TMX3: variants seen among roughly 807,000 people sequenced by gnomAD.
TMX3 encodes the protein thioredoxin related transmembrane protein 3.
TMX3 carries 40 observed loss-of-function variants against 64.4 expected under a neutral mutation model. The ratio of observed to expected loss-of-function variants is 0.62; its 90% CI spans 0.48 to 0.81. The LOEUF is 0.81. Among genes scored for constraint, TMX3 ranks in the 30% least tolerant of loss-of-function variants. The probability of loss-of-function intolerance (pLI) is 0.00; values close to 1 mark genes in which losing one functional copy is unlikely to be tolerated. For missense variants in TMX3, 497 were observed against 534.5 expected (o/e 0.93, Z 0.69); for synonymous variants, 189 against 175.7 (o/e 1.08, Z -0.60).
chr18:68,709,736 A>G (rs1394793058), intron 4 of TMX3, among the ~76,000 whole-genome samples: 1 of 152,142 alleles, frequency 6.6e-6, no homozygotes, highest in Non-Finnish European at 1.5e-5. Context: ...AGCAATATCA[A>G]TAGTTTAACA....
intron 2 of TMX3, among the ~76,000 whole-genome samples, chr18:68,712,253 G>A (rs1317284483): frequency 6.6e-6 from 1 of 152,186 alleles, no homozygotes; most frequent in Non-Finnish European, 1.5e-5. Context: ...CAGACAGAAT[G>A]AGAGGCCCAC....
chr18:68,681,196 A>G (rs1167920091), intron 13 of TMX3, 86 bp from the exon 14 acceptor site: 15 of 1,173,170 alleles, frequency 1.3e-5, no homozygotes, highest in Non-Finnish European at 1.6e-5. Flanking sequence ...AGTAGCCATA[A>G]TTATAGAAGC....
intron 9 of TMX3, chr18:68,688,525 T>C (rs1188425123): frequency 6.6e-6 from 1 of 152,134 alleles, no homozygotes; most frequent in Non-Finnish European, 1.5e-5. Context: ...AAAGCAAATG[T>C]CTATAAAAGC....
intron 7 of TMX3, chr18:68,697,510 T>C: frequency 2.5e-6 from 1 of 399,116 alleles, no homozygotes; most frequent in Non-Finnish European, 4.5e-6. Flanking sequence ...TTTATCTTTC[T>C]GCAAATAAAG....
At chr18:68,693,703 T>C (rs8090372) in intron 8 of TMX3, among the ~76,000 whole-genome samples, 7,154 of 152,056 alleles carry the variant, frequency 0.047, 451 homozygotes, top group African/African-American at 0.14. Flanking sequence ...GGTATGATGA[T>C]GACGGCGGGA....
chr18:68,675,554 A>T lies in TMX3; in HGVS notation c.*1379T>A, dbSNP rs527415624. The stretch of plus-strand genomic sequence containing the variant: ...AAACAACGTCAGTGTCCAGACCATG[A>T]ATTACATATTTTTTGACCATGCATT... On this transcript the variant is annotated 3_prime_UTR_variant, in exon 16 of 16. Transcript: ENST00000299608. 6.6e-6 allele frequency: 1 copy of T among 152,264 alleles called. No homozygotes were observed. The highest frequency in any genetic ancestry group is 1.9e-4 in the East Asian group (1 of 5,186). 9.4% of individuals were successfully genotyped at this position (152,264 alleles called of 1,614,324 possible).
At position 68,711,134 on chromosome 18, in the gene TMX3, T is replaced by A. The variant is rs553026628; in HGVS notation, c.141+230A>T. Among the ~76,000 whole-genome samples, 20 of 152,250 alleles carry A rather than the reference T, an allele frequency of 1.3e-4. 2 individuals are homozygous for A. The South Asian group carries it at 3.7e-3, about 28-fold the overall frequency. On this transcript the variant is annotated intron_variant, in intron 3 of 15. Coordinates refer to ENST00000299608, the MANE Select transcript of TMX3 (RefSeq NM_019022.5). The stretch of plus-strand genomic sequence containing the variant: ...AAGACAGGGTTCCAGCTTTTCCTCT[T>A]AATATTCTCACCCCCAAAATTTCAT...
Position 68,700,503 on chromosome 18 carries a change from AAT to A in TMX3, c.312-20_312-19del. ...CTTTTAATCTTTAAAAAAAAAAAAA[AAT>A]TAAAACCTGGATTGTTCTAACAGTT... On this transcript the variant is annotated intron_variant, in intron 5 of 15. Transcript: ENST00000299608. 6.7e-7 allele frequency: 1 copy of A among 1,482,866 alleles called. No homozygotes were observed. Among genetic ancestry groups the A allele is most frequent in the Non-Finnish European group, 9.1e-7 (1 of 1,099,272 alleles). The allele number at this position is 1,482,866 out of a possible 1,614,324, so 91.9% of individuals were successfully genotyped here. A position where few individuals can be genotyped will look rare whatever the true frequency, so the allele number is the denominator to read the frequency against.
chr18:68,714,146 G>A (rs2031629081), intron 1 of TMX3: 1 of 254,860 alleles, frequency 3.9e-6, no homozygotes, highest in Admixed American at 5.3e-5. Flanking sequence ...AATACACACA[G>A]TTCCTTTTTC....
At chr18:68,683,862 A>C (rs1480370213) in intron 12 of TMX3, among the ~76,000 whole-genome samples, 1 of 152,190 alleles carries the variant, frequency 6.6e-6, no homozygotes, top group African/African-American at 2.4e-5. Flanking sequence ...CATAATTTTT[A>C]CTATACTGTA....
At chr18:68,714,019 G>T in intron 1 of TMX3, 119 bp from the exon 2 acceptor site, 1 of 515,956 alleles carries the variant, frequency 1.9e-6, no homozygotes, top group Non-Finnish European at 3.4e-6. Context: ...ATTCATCACT[G>T]ATGCATCCCA....
In TMX3 at chr18:68,674,824, T is replaced by TCCC. The variant is rs1912797017; in HGVS notation, c.*2108_*2109insGGG. ...TTTTGTTTTCCCAACAGACACACTT[T>TCCC]AAAAGCACAAATAGAATATAAGGCA... On this transcript the variant is annotated 3_prime_UTR_variant, in exon 16 of 16. Transcript: ENST00000299608. 1 of 152,084 alleles carries TCCC rather than the reference T, an allele frequency of 6.6e-6. No individual in the cohort carries two copies. The highest frequency in any genetic ancestry group is 2.4e-5 in the African/African-American group (1 of 41,432). 9.4% of individuals were successfully genotyped at this position (152,084 alleles called of 1,614,324 possible).
chr18:68,674,615 G>A lies in TMX3; in HGVS notation c.*2318C>T, dbSNP rs1912780826. The A allele has an allele frequency of 6.6e-6, 1 of 152,044 alleles. No homozygotes were observed. The highest frequency in any genetic ancestry group is 1.5e-5 in the Non-Finnish European group (1 of 67,968). 9.4% of individuals were successfully genotyped at this position (152,044 alleles called of 1,614,324 possible). A position where few individuals can be genotyped will look rare whatever the true frequency, so the allele number is the denominator to read the frequency against. On this transcript the variant is annotated 3_prime_UTR_variant, in exon 16 of 16. Transcript: ENST00000299608. ...ATATGGAAGTAATGTTTCACGGAAT[G>A]AAACTAACATTCATAGTAATCTCTG...
At chr18:68,682,697 AT>A (rs1292203550) in intron 13 of TMX3, among the ~76,000 whole-genome samples, 2 of 148,154 alleles carry the variant, frequency 1.3e-5, no homozygotes, top group Non-Finnish European at 2.9e-5. Context: ...AAAACATTAA[AT>A]CAGGAGATAA....
chr18:68,706,560 C>A (rs1431361981), intron 4 of TMX3, among the ~76,000 whole-genome samples: 1 of 152,084 alleles, frequency 6.6e-6, no homozygotes, highest in African/African-American at 2.4e-5. Context: ...CAATAAGTAC[C>A]CAGGTAATTC....
rs375234012 is a variant in TMX3 at position 68,702,175 on chromosome 18, C to CAAAAAAAAA, written c.266-394_266-386dup. ...TCTTCTAGGTCTCATTTACTCCTCT[C>CAAAAAAAAA]AAAAAAAAAAAAAAAAAAAAAAAAA... On this transcript the variant is annotated intron_variant, in intron 4 of 15. Coordinates refer to ENST00000299608, the MANE Select transcript of TMX3 (RefSeq NM_019022.5). Among the ~76,000 whole-genome samples, 172 of 44,056 alleles carry CAAAAAAAAA rather than the reference C, an allele frequency of 3.9e-3. 25 individuals carry two copies. Among genetic ancestry groups the CAAAAAAAAA allele is most frequent in the African/African-American group, 0.012 (155 of 13,208 alleles). The allele number at this position is 44,056 out of a possible 152,430, so 28.9% of individuals were successfully genotyped here.
intron 4 of TMX3, among the ~76,000 whole-genome samples, chr18:68,709,692 G>T (rs1599345120): frequency 6.6e-6 from 1 of 151,786 alleles, no homozygotes; most frequent in Non-Finnish European, 1.5e-5. Context: ...CACATCTCAG[G>T]CTACTCAGAA....
chr18:68,691,033 A>G (rs1427449130), intron 9 of TMX3: 1 of 357,416 alleles, frequency 2.8e-6, no homozygotes. Flanking sequence ...TATAAAAATC[A>G]CATAGAATTT....
intron 2 of TMX3, 87 bp downstream of exon 2, chr18:68,713,759 T>A: frequency 1.5e-6 from 1 of 664,796 alleles, no homozygotes; most frequent in Non-Finnish European, 2.2e-6. Flanking sequence ...TTGGTTCCAA[T>A]CTAAAATATT....
Sources: allele counts gnomAD v4.1 joint callset (sites outside exome capture counted in the v4.1 genomes callset), GRCh38; gene constraint gnomAD v4.1.1; transcripts MANE v1.5; gene names NCBI Gene and HGNC (gene_info 2026-07-23, HGNC 2026-07-21).